The following ST8SIA6 variants were observed in gnomAD, a reference collection of about 807,000 sequenced individuals.
ST8SIA6 encodes ST8 alpha-N-acetyl-neuraminide alpha-2,8-sialyltransferase 6, also known as alpha-2,8-sialyltransferase 8F.
In ST8SIA6, 39 loss-of-function variants were observed where a neutral mutation model predicts 33.6. That is an observed-to-expected ratio of 1.16 (90% confidence interval 0.90 to 1.52). ST8SIA6 has a LOEUF of 1.52. ST8SIA6 is among the 40% of genes most tolerant of loss of function. The probability of loss-of-function intolerance (pLI) is 0.00; values close to 1 mark genes in which losing one functional copy is unlikely to be tolerated. For synonymous variants in ST8SIA6, 172 were observed against 167.2 expected (o/e 1.03, Z -0.22); for missense variants, 441 against 443.8 (o/e 0.99, Z 0.06).
chr10:17,366,253 C>T (rs947768174), intron 3 of ST8SIA6, among the ~76,000 whole-genome samples: 1 of 152,102 alleles, frequency 6.6e-6, no homozygotes, highest in African/African-American at 2.4e-5. Context: ...GTATTGTCAA[C>T]CAGCATGGGA....
intron 3 of ST8SIA6, among the ~76,000 whole-genome samples, chr10:17,370,046 T>C (rs898518188): frequency 6.6e-6 from 1 of 151,860 alleles, no homozygotes; most frequent in African/African-American, 2.4e-5. Flanking sequence ...AGTGGCATGA[T>C]CTCGGCTCAC....
intron 3 of ST8SIA6, among the ~76,000 whole-genome samples, chr10:17,371,646 C>T (rs1219902357): frequency 2.6e-5 from 4 of 151,416 alleles, no homozygotes; most frequent in Non-Finnish European, 4.4e-5. Context: ...GTTAGCAGGG[C>T]GTGGTGGTGC....
intron 4 of ST8SIA6, among the ~76,000 whole-genome samples, chr10:17,341,982 C>T (rs532575817): frequency 6.6e-5 from 10 of 151,054 alleles, no homozygotes; most frequent in Non-Finnish European, 1.5e-4. Context: ...AGGGCACTCA[C>T]CAGAACTTAC....
chr10:17,344,180 A>G (rs1275182526), intron 4 of ST8SIA6, among the ~76,000 whole-genome samples: 2 of 152,262 alleles, frequency 1.3e-5, no homozygotes, highest in African/African-American at 4.8e-5. Context: ...CATGGCAAAG[A>G]TGCACAGAGG....
chr10:17,363,859 G>T (rs1166682643), intron 3 of ST8SIA6, among the ~76,000 whole-genome samples: 1 of 152,076 alleles, frequency 6.6e-6, no homozygotes, highest in African/African-American at 2.4e-5. Context: ...AGCCTGTTGG[G>T]CTGGCTCATA....
chr10:17,385,159 A>G (rs959391521), intron 3 of ST8SIA6, among the ~76,000 whole-genome samples: 4 of 152,204 alleles, frequency 2.6e-5, no homozygotes, highest in Admixed American at 2.6e-4. Context: ...CCTGCCTCCC[A>G]TTCTATTCCA....
At chr10:17,425,641 G>GA (rs1851911346) in intron 2 of ST8SIA6, among the ~76,000 whole-genome samples, 1 of 148,290 alleles carries the variant, frequency 6.7e-6, no homozygotes, top group Admixed American at 6.8e-5. Context: ...AAGAGAGGAA[G>GA]AAAGGAGGGA....
chr10:17,315,867 T>A lies in ST8SIA6; in HGVS notation c.*5011A>T, dbSNP rs547571836. Among the ~76,000 whole-genome samples the A allele has an allele frequency of 6.6e-6, 1 of 152,124 alleles. No individual in the cohort carries two copies. Among genetic ancestry groups the A allele is most frequent in the South Asian group, 2.1e-4 (1 of 4,826 alleles). On this transcript the variant is annotated 3_prime_UTR_variant, in exon 8 of 8. Transcript: ENST00000377602. ...ATGGGTATATGCATGTACATAAATA[T>A]GTGCCATTTATTACATGTCAATGAC... is the stretch of plus-strand genomic sequence containing the variant.
chr10:17,354,980 A>G (rs1849148336), intron 4 of ST8SIA6, among the ~76,000 whole-genome samples: 2 of 152,172 alleles, frequency 1.3e-5, no homozygotes, highest in South Asian at 2.1e-4. Context: ...CAAGCTGCCA[A>G]GTTCTCAGAC....
intron 4 of ST8SIA6, among the ~76,000 whole-genome samples, chr10:17,346,098 A>G (rs1848824006): frequency 6.6e-6 from 1 of 152,216 alleles, no homozygotes; most frequent in Admixed American, 6.5e-5. Context: ...GAATCCAGCC[A>G]TTCCCCAAAG....
intron 3 of ST8SIA6, among the ~76,000 whole-genome samples, chr10:17,370,031 G>A (rs1251500094): frequency 6.7e-6 from 1 of 148,562 alleles, no homozygotes; most frequent in Admixed American, 6.8e-5. Context: ...TAGCTCTGTC[G>A]CTGCAGTGGC....
At chr10:17,396,400 C>T (rs1162920310) in intron 2 of ST8SIA6, among the ~76,000 whole-genome samples, 1 of 152,148 alleles carries the variant, frequency 6.6e-6, no homozygotes, top group Non-Finnish European at 1.5e-5. Context: ...TATTACATGC[C>T]CAGTTCCCTC....
At chr10:17,352,478 A>T (rs1161445079) in intron 4 of ST8SIA6, among the ~76,000 whole-genome samples, 1 of 152,210 alleles carries the variant, frequency 6.6e-6, no homozygotes, top group East Asian at 1.9e-4. Flanking sequence ...ATATTGTACC[A>T]GTGTAAACAA....
chr10:17,372,804 C>T (rs1367650638), intron 3 of ST8SIA6, among the ~76,000 whole-genome samples: 1 of 152,192 alleles, frequency 6.6e-6, no homozygotes, highest in African/African-American at 2.4e-5. Context: ...CACAAAGTCT[C>T]TTATGACCTT....
chr10:17,399,491 T>C (rs1181296762), intron 2 of ST8SIA6, among the ~76,000 whole-genome samples: 1 of 152,194 alleles, frequency 6.6e-6, no homozygotes, highest in African/African-American at 2.4e-5. Flanking sequence ...TGTCTGCAAA[T>C]AGTATCTGCT....
intron 3 of ST8SIA6, among the ~76,000 whole-genome samples, chr10:17,362,981 A>C (rs571938094): frequency 6.6e-6 from 1 of 152,146 alleles, no homozygotes; most frequent in South Asian, 2.1e-4. Flanking sequence ...AAGTGCTGGG[A>C]TTACAGGCCT....
chr10:17,411,068 ATAAAATTACTTGAATGTGGTAGTCGGT>A (rs1284147032), intron 2 of ST8SIA6, among the ~76,000 whole-genome samples: 13 of 152,232 alleles, frequency 8.5e-5, no homozygotes, highest in African/African-American at 3.1e-4. Flanking sequence ...AAAAGATGGA[ATAAAATTACTTGAATGTGGTAGTCGGT>A]TCTGAGAAAT....
At chr10:17,352,046 T>TA (rs1013785187) in intron 4 of ST8SIA6, among the ~76,000 whole-genome samples, 52 of 140,796 alleles carry the variant, frequency 3.7e-4, no homozygotes, top group Non-Finnish European at 3.6e-4. Context: ...ATGTTCTCAC[T>TA]AAAAAAAAAA....
chr10:17,431,274 A>G (rs1179518701), intron 2 of ST8SIA6, among the ~76,000 whole-genome samples: 2 of 152,090 alleles, frequency 1.3e-5, no homozygotes, highest in Non-Finnish European at 1.5e-5. Context: ...CCCGAGATGG[A>G]GGGTAAGGGA....
Sources: allele counts gnomAD v4.1 joint callset (sites outside exome capture counted in the v4.1 genomes callset), GRCh38; gene constraint gnomAD v4.1.1; transcripts MANE v1.5; gene names NCBI Gene and HGNC (gene_info 2026-07-23, HGNC 2026-07-21).